The following PTPRD variants were observed in gnomAD, a reference collection of about 807,000 sequenced individuals.
PTPRD encodes the protein receptor-type tyrosine-protein phosphatase delta.
A neutral mutation model predicts 214.5 loss-of-function variants in PTPRD; 34 were observed. That is an observed-to-expected ratio of 0.16 (90% CI 0.12 to 0.21). The LOEUF is 0.21. Among genes scored for constraint, PTPRD ranks in the 10% least tolerant of loss-of-function variants. PTPRD has a pLI of 1.00. For synonymous variants in PTPRD, 1,128 were observed against 845.7 expected, an observed-to-expected ratio of 1.33 and a Z score of -5.79; for missense variants, 2,545 against 2,398.7, an observed-to-expected ratio of 1.06 and a Z score of -1.27.
At chr9:10,466,535 A>C (rs1469820342) in intron 2 of PTPRD, among the ~76,000 whole-genome samples, 1 of 149,562 alleles carries the variant, frequency 6.7e-6, no homozygotes, top group Non-Finnish European at 1.5e-5. Flanking sequence ...AGGCAGGAGA[A>C]TCACTTGAAC....
At position 10,466,724 on chromosome 9, in the gene PTPRD, G is replaced by A. The variant is rs554299877; in HGVS notation, c.-599-125707C>T. Among the ~76,000 whole-genome samples, 6 of 150,984 alleles carry A rather than the reference G, an allele frequency of 4.0e-5. No individual in the cohort carries two copies. In the South Asian group the frequency reaches 8.3e-4, roughly 21 times the overall value. ...AAATGTAAAGCAGAATTCAGACTTC[G>A]AGCATCTGAAAACTTCACATAAAGT... On this transcript the variant is annotated intron_variant, in intron 2 of 45. Coordinates refer to ENST00000381196, the MANE Select transcript of PTPRD (RefSeq NM_002839.4).
chr9:9,055,899 G>A (rs2099695294), intron 10 of PTPRD, among the ~76,000 whole-genome samples: 1 of 151,490 alleles, frequency 6.6e-6, no homozygotes, highest in South Asian at 2.1e-4. Context: ...ACACTAGTCT[G>A]GTATTCTCAA....
intron 10 of PTPRD, among the ~76,000 whole-genome samples, chr9:9,019,757 C>T (rs537462860): frequency 1.5e-4 from 23 of 152,154 alleles, no homozygotes; most frequent in African/African-American, 5.3e-4. Context: ...TTTTTATCAA[C>T]GTTGAGAAAG....
At chr9:8,322,437 T>C (rs935094545) in intron 44 of PTPRD, among the ~76,000 whole-genome samples, 4 of 152,200 alleles carry the variant, frequency 2.6e-5, no homozygotes, top group Non-Finnish European at 5.9e-5. Flanking sequence ...ACAGCTTTAC[T>C]GCTGATATGA....
intron 12 of PTPRD, among the ~76,000 whole-genome samples, chr9:8,718,498 C>T (rs1207576109): frequency 6.6e-6 from 1 of 152,144 alleles, no homozygotes; most frequent in Non-Finnish European, 1.5e-5. Flanking sequence ...TAGTTCTCCA[C>T]AGTGGTTTCT....
At chr9:9,443,581 C>T (rs909389756) in intron 8 of PTPRD, among the ~76,000 whole-genome samples, 8 of 152,118 alleles carry the variant, frequency 5.3e-5, no homozygotes, top group Admixed American at 1.3e-4. Flanking sequence ...TGGGTTGTTA[C>T]GTAAGAAGTC....
intron 11 of PTPRD, among the ~76,000 whole-genome samples, chr9:8,783,717 T>G (rs2095830843): frequency 1.3e-5 from 2 of 152,144 alleles, no homozygotes; most frequent in Admixed American, 1.3e-4. Context: ...CTCAGTTCCG[T>G]TTCAATATTG....
chr9:9,875,089 T>C lies in PTPRD; in HGVS notation c.-368+63418A>G, dbSNP rs949543440. On this transcript the variant is annotated intron_variant, in intron 5 of 45. Coordinates refer to ENST00000381196, the MANE Select transcript of PTPRD (RefSeq NM_002839.4). Reference sequence around the variant, plus strand: ...TTAACCTATACATCAATAAGGCTTTTTATTGTAATTCTTAAATATTTAGTT... The same window carrying C: ...TTAACCTATACATCAATAAGGCTTTCTATTGTAATTCTTAAATATTTAGTT... Among the ~76,000 whole-genome samples, 4 of 152,268 alleles carry C rather than the reference T, an allele frequency of 2.6e-5. No homozygotes were observed. In the East Asian group the frequency reaches 7.7e-4, roughly 29 times the overall value.
At chr9:8,344,711 G>A (rs954680992) in intron 39 of PTPRD, among the ~76,000 whole-genome samples, 6 of 151,934 alleles carry the variant, frequency 3.9e-5, no homozygotes, top group Admixed American at 6.6e-5. Flanking sequence ...AAGTGTTTTC[G>A]CTTGAAGCAA....
At chr9:8,851,083 C>T (rs1170804744) in intron 11 of PTPRD, among the ~76,000 whole-genome samples, 1 of 151,938 alleles carries the variant, frequency 6.6e-6, no homozygotes, top group Non-Finnish European at 1.5e-5. Context: ...AGAGCAAACC[C>T]CACAACTGGC....
chr9:8,601,232 G>C (rs1240805746), intron 14 of PTPRD, among the ~76,000 whole-genome samples: 2 of 152,130 alleles, frequency 1.3e-5, no homozygotes, highest in Non-Finnish European at 1.5e-5. Flanking sequence ...CAGCAGACTA[G>C]AACACCAAGT....
chr9:10,276,727 T>C (rs1220852847), intron 3 of PTPRD, among the ~76,000 whole-genome samples: 1 of 152,220 alleles, frequency 6.6e-6, no homozygotes, highest in African/African-American at 2.4e-5. Context: ...ATAATAGGAC[T>C]AATCATGTCA....
In PTPRD at chr9:9,567,945, T is replaced by TC. The variant is rs1040442728; in HGVS notation, c.-237+6786dup. ...TTTATGGCATAAAAAGAAGGCAAAA[T>TC]CCCCTTTTTTTTTCTACTGGGTATC... On this transcript the variant is annotated intron_variant, in intron 8 of 45. Coordinates refer to ENST00000381196, the MANE Select transcript of PTPRD (RefSeq NM_002839.4). 3.3e-5 allele frequency among the ~76,000 whole-genome samples: 5 copies of TC among 151,796 alleles called. No homozygotes were observed. In the East Asian group the frequency reaches 7.8e-4, roughly 24 times the overall value.
At chr9:9,405,855 T>A (rs572118033) in intron 8 of PTPRD, among the ~76,000 whole-genome samples, 1 of 152,014 alleles carries the variant, frequency 6.6e-6, no homozygotes, top group African/African-American at 2.4e-5. Context: ...TTGATGTTTG[T>A]CCTTTGGCTT....
At chr9:8,994,481 A>C (rs1037669527) in intron 11 of PTPRD, among the ~76,000 whole-genome samples, 2 of 152,122 alleles carry the variant, frequency 1.3e-5, no homozygotes, top group African/African-American at 4.8e-5. Context: ...GATCAATAGG[A>C]CAATTATTCA....
At chr9:9,856,662 A>G (rs1484278325) in intron 5 of PTPRD, among the ~76,000 whole-genome samples, 1 of 151,966 alleles carries the variant, frequency 6.6e-6, no homozygotes, top group East Asian at 1.9e-4. Context: ...TATTGTGAAA[A>G]CCTTTGGTGG....
intron 2 of PTPRD, among the ~76,000 whole-genome samples, chr9:10,511,903 CATATATATATACGTGTAT>C (rs1348999566): frequency 1.1e-4 from 12 of 112,450 alleles, no homozygotes; most frequent in African/African-American, 4.1e-4. Context: ...CATATATATA[CATATATATATACGTGTAT>C]ATATATATAC....
At chr9:8,497,367 CA>C (rs1285945802) in intron 25 of PTPRD, 99 bp from the exon 26 acceptor site, 11 of 1,020,568 alleles carry the variant, frequency 1.1e-5, no homozygotes, top group South Asian at 3.7e-5. Context: ...TTAAAAAAAT[CA>C]AAAAAATAAA....
rs190231213 is a variant in PTPRD at position 10,219,750 on chromosome 9, C to T, written c.-545+121213G>A. Among the ~76,000 whole-genome samples, 461 of 151,714 alleles carry T rather than the reference C, an allele frequency of 3.0e-3. 3 individuals carry two copies. Among genetic ancestry groups the T allele is most frequent in the South Asian group, 0.019 (93 of 4,818 alleles). On this transcript the variant is annotated intron_variant, in intron 3 of 45. Coordinates refer to ENST00000381196, the MANE Select transcript of PTPRD (RefSeq NM_002839.4). ...TTTTTAACTAGTAAGAACTTAATAT[C>T]CTTACCACATTGTTTAAATATGTTG...
Sources: gnomAD v4.1 joint callset for allele counts (sites outside exome capture counted in the v4.1 genomes callset) on GRCh38, gnomAD v4.1.1 for gene constraint, MANE v1.5 for transcripts, NCBI Gene and HGNC (gene_info 2026-07-23, HGNC 2026-07-21) for gene names.